The following TTC9 variants were observed in gnomAD, a reference collection of about 807,000 sequenced individuals.
TTC9 encodes the protein tetratricopeptide repeat protein 9A.
In TTC9, 13 loss-of-function variants were observed where a neutral mutation model predicts 22.9. The observed-to-expected ratio is 0.57, with a 90% CI of 0.37 to 0.90. The LOEUF (loss-of-function observed/expected upper bound fraction) is 0.90. TTC9 is among the 40% of genes least tolerant of loss of function. The pLI is 0.01. For missense variants in TTC9, 280 were observed against 291.8 expected, an observed-to-expected ratio of 0.96 and a Z score of 0.29; for synonymous variants, 148 against 133.2, an observed-to-expected ratio of 1.11 and a Z score of -0.77.
intron 2 of TTC9, among the ~76,000 whole-genome samples, chr14:70,668,738 C>G (rs957627530): frequency 2.0e-5 from 3 of 151,088 alleles, no homozygotes; most frequent in Non-Finnish European, 4.4e-5. Flanking sequence ...GTAATCCCAA[C>G]TACTTGGGAG....
chr14:70,649,307 CTT>C (rs973932855), intron 1 of TTC9, among the ~76,000 whole-genome samples: 7 of 152,332 alleles, frequency 4.6e-5, no homozygotes, highest in African/African-American at 1.7e-4. Flanking sequence ...GCATCTGTCT[CTT>C]GTTAGGGATC....
chr14:70,648,702 C>G (rs1247051643), intron 1 of TTC9, among the ~76,000 whole-genome samples: 5 of 152,170 alleles, frequency 3.3e-5, no homozygotes, highest in Non-Finnish European at 5.9e-5. Context: ...TTCAATCAAC[C>G]AACTAGAGAT....
chr14:70,648,098 TAAGG>T (rs1885929204), intron 1 of TTC9, among the ~76,000 whole-genome samples: 1 of 152,044 alleles, frequency 6.6e-6, no homozygotes, highest in South Asian at 2.1e-4. Flanking sequence ...ATTCCTAGGG[TAAGG>T]ATTGGTCAAA....
chr14:70,642,115 C>T lies in TTC9; in HGVS notation c.-15C>T. 2 of 1,105,388 alleles carry T rather than the reference C, an allele frequency of 1.8e-6. No individual in the cohort carries two copies. Among genetic ancestry groups the T allele is most frequent in the Middle Eastern group, 3.9e-4 (1 of 2,548 alleles). The allele number at this position is 1,105,388 out of a possible 1,614,324, so 68.5% of individuals were successfully genotyped here. ...GCAGATCGCGGCGCGCACCAGGCGC[C>T]GGGGCGGCGGCCGAATGGAGAGAAA... On this transcript the variant is annotated 5_prime_UTR_variant, in exon 1 of 3. Coordinates refer to ENST00000256367, the MANE Select transcript of TTC9 (RefSeq NM_015351.2).
At chr14:70,658,447 C>A (rs1886096566) in intron 1 of TTC9, among the ~76,000 whole-genome samples, 1 of 152,130 alleles carries the variant, frequency 6.6e-6, no homozygotes, top group African/African-American at 2.4e-5. Flanking sequence ...TAATTTTATT[C>A]TTTGTAAAAC....
intron 2 of TTC9, among the ~76,000 whole-genome samples, chr14:70,668,883 G>A (rs1000892439): frequency 8.7e-5 from 13 of 149,418 alleles, no homozygotes; most frequent in East Asian, 2.0e-4. Context: ...AAGGCTGGGC[G>A]CGGTGGCTCA....
chr14:70,647,912 G>T (rs1885926590), intron 1 of TTC9, among the ~76,000 whole-genome samples: 1 of 152,174 alleles, frequency 6.6e-6, no homozygotes, highest in Non-Finnish European at 1.5e-5. Context: ...GAAGATGGCT[G>T]GATGGATACA....
Position 70,667,738 on chromosome 14 carries a change from A to G in TTC9, c.581A>G (p.Gln194Arg), listed in dbSNP as rs747318136. The change falls in exon 2 of 3, where the codon CAA becomes CGA. Residue 194 changes from glutamine to arginine, a missense_variant. This residue lies in a region of TTC9 where 39 missense variants were observed against 67.4 expected (regional missense o/e 0.58). Transcript: ENST00000256367. Reference protein sequence around the residue: ...LYYLKEARTQQPTDTNVIRYI... With the variant: ...LYYLKEARTQRPTDTNVIRYI... Reference sequence around the variant, plus strand: ...TACCTGAAAGAAGCAAGGACCCAACAACCAACAGGTAAGGCGGAAATAGCT... The same window carrying G: ...TACCTGAAAGAAGCAAGGACCCAACGACCAACAGGTAAGGCGGAAATAGCT... The G allele has an allele frequency of 9.4e-6, 15 of 1,597,548 alleles. No homozygotes were observed. The highest frequency in any genetic ancestry group is 1.7e-6 in the Non-Finnish European group (2 of 1,170,040).
At chr14:70,646,430 C>T (rs145200897) in intron 1 of TTC9, among the ~76,000 whole-genome samples, 1 of 152,174 alleles carries the variant, frequency 6.6e-6, no homozygotes, top group Non-Finnish European at 1.5e-5. Context: ...AGTGTAGAAC[C>T]CTTTGAAGGG....
At chr14:70,643,778 C>T (rs1392151913) in intron 1 of TTC9, among the ~76,000 whole-genome samples, 3 of 152,176 alleles carry the variant, frequency 2.0e-5, no homozygotes, top group Non-Finnish European at 2.9e-5. Context: ...TCCCAGAATG[C>T]CATGCCCAGT....
At chr14:70,665,964 C>T (rs1364628454) in intron 1 of TTC9, among the ~76,000 whole-genome samples, 2 of 152,132 alleles carry the variant, frequency 1.3e-5, no homozygotes, top group Non-Finnish European at 1.5e-5. Flanking sequence ...CCAGTTTTGC[C>T]TCCTAAGTCT....
At chr14:70,666,944 G>A (rs1169076678) in intron 1 of TTC9, among the ~76,000 whole-genome samples, 1 of 152,126 alleles carries the variant, frequency 6.6e-6, no homozygotes, top group Non-Finnish European at 1.5e-5. Flanking sequence ...CCCACAAACT[G>A]GGTGACTTGA....
Position 70,672,748 on chromosome 14 carries a change from T to C in TTC9, c.*1593T>C, listed in dbSNP as rs1886315146. On this transcript the variant is annotated 3_prime_UTR_variant, in exon 3 of 3. Transcript: ENST00000256367. The stretch of plus-strand genomic sequence containing the variant: ...AATCTCATTTCTTTCATGCAGTTAC[T>C]CTGGGATACTGTTCCCATTTGATGG... The C allele has an allele frequency of 6.6e-6, 1 of 152,262 alleles. No individual in the cohort carries two copies. The highest frequency in any genetic ancestry group is 2.4e-5 in the African/African-American group (1 of 41,474). The allele number at this position is 152,262 out of a possible 1,614,324, so 9.4% of individuals were successfully genotyped here.
chr14:70,665,929 C>T (rs1886209188), intron 1 of TTC9, among the ~76,000 whole-genome samples: 1 of 152,122 alleles, frequency 6.6e-6, no homozygotes, highest in Non-Finnish European at 1.5e-5. Flanking sequence ...CCCCCAGCCA[C>T]CCAGCCGGGT....
intron 1 of TTC9, among the ~76,000 whole-genome samples, chr14:70,649,264 A>G (rs1885946127): frequency 6.6e-6 from 1 of 152,228 alleles, no homozygotes; most frequent in Non-Finnish European, 1.5e-5. Context: ...TGTTCCACAA[A>G]TGTGTTTGAA....
At chr14:70,642,588 C>CTCCGCGGACCACTGCGGCGCT (rs1229085401) in intron 1 of TTC9, 53 bp downstream of exon 1, 297 of 1,473,484 alleles carry the variant, frequency 2.0e-4, no homozygotes, top group Non-Finnish European at 2.5e-4. Context: ...GGCCCGGTCC[C>CTCCGCGGACCACTGCGGCGCT]TCCGCGGACC....
At chr14:70,648,310 G>A (rs1056484607) in intron 1 of TTC9, among the ~76,000 whole-genome samples, 1 of 152,180 alleles carries the variant, frequency 6.6e-6, no homozygotes, top group East Asian at 1.9e-4. Flanking sequence ...ATTGAAACTT[G>A]CAGAATGCTT....
In TTC9 at chr14:70,667,670, T is replaced by C. The variant is rs754994161; in HGVS notation, c.513T>C (p.Gly171=). Residue 171 remains glycine, a synonymous_variant, in exon 2 of 3, where the codon GGT becomes GGC. Coordinates refer to ENST00000256367, the MANE Select transcript of TTC9 (RefSeq NM_015351.2). ...GENFKALYRS[G]VAFYHLGDYD... ...ACTTCAAGGCCCTTTACCGGTCTGG[T>C]GTGGCCTTCTACCACCTTGGGGACT... 3 of 1,613,956 alleles carry C rather than the reference T, an allele frequency of 1.9e-6. No homozygotes were observed. The highest frequency in any genetic ancestry group is 2.2e-5 in the South Asian group (2 of 91,074).
intron 1 of TTC9, among the ~76,000 whole-genome samples, chr14:70,658,186 T>G (rs1366016701): frequency 1.3e-5 from 2 of 152,210 alleles, no homozygotes; most frequent in African/African-American, 2.4e-5. Flanking sequence ...AGCGGGTCAC[T>G]TAACTTCCCC....
Sources: gnomAD v4.1 joint callset for allele counts (sites outside exome capture counted in the v4.1 genomes callset) on GRCh38, gnomAD v4.1.1 for gene constraint, gnomAD v4.1.1 regional missense constraint, MANE v1.5 for transcripts, NCBI Gene and HGNC (gene_info 2026-07-23, HGNC 2026-07-21) for gene names.